The following CCDC142 variants were observed in gnomAD, a reference collection of about 807,000 sequenced individuals.
CCDC142 encodes the protein coiled-coil domain containing 142.
CCDC142 carries 67 observed loss-of-function variants against 83.8 expected under a neutral mutation model. The observed-to-expected ratio is 0.80, with a 90% CI of 0.66 to 0.98. CCDC142 has a LOEUF of 0.98. Among genes scored for constraint, CCDC142 ranks in the 50% least tolerant of loss-of-function variants. The pLI is 0.00. For synonymous variants in CCDC142, 421 were observed against 421.2 expected, an observed-to-expected ratio of 1.00 and a Z score of 0.01; for missense variants, 905 against 946.8, an observed-to-expected ratio of 0.96 and a Z score of 0.58.
Position 74,481,763 on chromosome 2 carries a change from G to C in CCDC142, c.1021+54C>G, listed in dbSNP as rs567887017. On this transcript the variant is annotated intron_variant, in intron 1 of 8. Transcript: ENST00000393965. Reference sequence around the variant, plus strand: ...GATGGCAGGTCAGTGAGTTGGCCAAGGGGAAGGAAGAGACCCCAGCCTTCC... The same window carrying C: ...GATGGCAGGTCAGTGAGTTGGCCAACGGGAAGGAAGAGACCCCAGCCTTCC... 1.9e-6 allele frequency: 3 copies of C among 1,557,914 alleles called. No homozygotes were observed. In the Admixed American group the frequency reaches 5.6e-5, roughly 29 times the overall value.
intron 5 of CCDC142, among the ~76,000 whole-genome samples, chr2:74,476,575 G>A (rs1489491432): frequency 6.6e-6 from 1 of 152,160 alleles, no homozygotes; most frequent in Non-Finnish European, 1.5e-5. Context: ...GACTCAGGAA[G>A]TTTTGGAATG....
In CCDC142 at chr2:74,481,066, C is replaced by T; in HGVS notation, c.1279G>A (p.Gly427Ser). ...AAGGTGGTCTGAAGGGTACAGAGAC[C>T]TAGGGCGACAGGCGCAGGATCTGGG... Reference protein sequence around the residue: ...QPADPAPVALGLCTLQTTLLW... With the variant: ...QPADPAPVALSLCTLQTTLLW... Residue 427 changes from glycine (G) to serine (S), a missense_variant, in exon 4 of 9, where the codon GGT (glycine) becomes AGT (serine). Gly to Ser is a moderately conservative substitution (Grantham distance 56, BLOSUM62 0). Around this residue, in one of 3 missense-constraint regions of CCDC142, gnomAD observed 591 missense variants for 571.4 expected, o/e 1.03. Coordinates refer to ENST00000393965, the MANE Select transcript of CCDC142 (RefSeq NM_001365575.2). 1 of 1,613,692 alleles carries T rather than the reference C, an allele frequency of 6.2e-7. No individual in the cohort carries two copies. The highest frequency in any genetic ancestry group is 8.5e-7 in the Non-Finnish European group (1 of 1,179,700).
chr2:74,475,595 C>G lies in CCDC142; in HGVS notation c.1618+17G>C. 2 of 1,599,498 alleles carry G rather than the reference C, an allele frequency of 1.3e-6. No homozygotes were observed. The highest frequency in any genetic ancestry group is 8.6e-7 in the Non-Finnish European group (1 of 1,167,886). On this transcript the variant is annotated intron_variant, in intron 6 of 8. Transcript: ENST00000393965. ...CCCCTTGGAACTCTGGAAGGAGAAGCTGGGATGAGGAGTTACCAGGACAGA... is the reference window on the plus strand; with the variant it reads ...CCCCTTGGAACTCTGGAAGGAGAAGGTGGGATGAGGAGTTACCAGGACAGA...
intron 5 of CCDC142, among the ~76,000 whole-genome samples, chr2:74,477,174 A>G (rs1208387210): frequency 1.3e-5 from 2 of 151,348 alleles, no homozygotes; most frequent in Non-Finnish European, 2.9e-5. Context: ...GCTGGAGTGC[A>G]GTTGCGCAAT....
rs746832688 is a variant in CCDC142 at position 74,482,386 on chromosome 2, C to T, written c.452G>A (p.Gly151Glu). 29 of 1,576,488 alleles carry T rather than the reference C, an allele frequency of 1.8e-5. No individual in the cohort carries two copies. The highest frequency in any genetic ancestry group is 6.0e-6 in the Non-Finnish European group (7 of 1,162,058). ...CRDLQLHPSQ[G>E]AVLRIGPGET... is the part of the protein sequence containing the mutation. ...CCCAGGGCCGATTCGCAGAACCGCC[C>T]CTTGGGAAGGGTGCAGCTGCAGGTC... Residue 151 changes from glycine (G) to glutamate (E), a missense_variant, in exon 1 of 9, where the codon GGG becomes GAG. Around this residue, in one of 3 missense-constraint regions of CCDC142, gnomAD observed 591 missense variants for 571.4 expected, o/e 1.03. Transcript: ENST00000393965. The surrounding 1 kb of genome is among the most constrained non-coding windows in gnomAD (Gnocchi z 5.0).
chr2:74,482,052 G>A lies in CCDC142; in HGVS notation c.786C>T (p.Asp262=). The change falls in exon 1 of 9, where the codon GAC becomes GAT. Residue 262 remains aspartate, a synonymous_variant. Transcript: ENST00000393965. The surrounding 1 kb of genome is among the most constrained non-coding windows in gnomAD (Gnocchi z 5.0). ...DEALQGSALR[D]QLRRRCQEEG... Reference sequence around the variant, plus strand: ...CCTCTTGGCACCGCCTGCGGAGCTGGTCCCTCAACGCCGATCCTTGGAGCG... The same window carrying A: ...CCTCTTGGCACCGCCTGCGGAGCTGATCCCTCAACGCCGATCCTTGGAGCG... 6.2e-7 allele frequency: 1 copy of A among 1,613,562 alleles called. No individual in the cohort carries two copies. Among genetic ancestry groups the A allele is most frequent in the East Asian group, 2.2e-5 (1 of 44,860 alleles).
intron 5 of CCDC142, 134 bp downstream of exon 5, chr2:74,480,635 G>A: frequency 1.9e-6 from 1 of 540,328 alleles, no homozygotes; most frequent in South Asian, 3.1e-5. Context: ...AAAATGAACA[G>A]AGCAAAAAAA....
chr2:74,481,830 C>T lies in CCDC142; in HGVS notation c.1008G>A (p.Gln336=). The T allele has an allele frequency of 3.1e-6, 5 of 1,611,870 alleles. No homozygotes were observed. The highest frequency in any genetic ancestry group is 4.2e-6 in the Non-Finnish European group (5 of 1,178,362). Residue 336 remains glutamine, a synonymous_variant, in exon 1 of 9, where the codon CAG becomes CAA. Transcript: ENST00000393965. The part of the protein sequence containing the change: ...DPRATAQQLS[Q]ALGQASLPQE... ...CCCATCACTCACCCTGACCCAGTGC[C>T]TGACTCAGCTGTTGCGCTGTTGCCC...
rs1370676503 is a variant in CCDC142, at chr2:74,480,886, T to G, written c.1390-4A>C. 1.2e-6 allele frequency: 2 copies of G among 1,613,540 alleles called. No individual in the cohort carries two copies. The highest frequency in any genetic ancestry group is 2.7e-5 in the African/African-American group (2 of 74,922). On this transcript the variant is annotated splice_polypyrimidine_tract_variant and splice_region_variant and intron_variant, in intron 4 of 8. Coordinates refer to ENST00000393965, the MANE Select transcript of CCDC142 (RefSeq NM_001365575.2). ...CTTCTGCCTCATGCAACAGAGGCTT[T>G]GGGTGGAAACAGGGAGTGAGGGCTC... is the stretch of plus-strand genomic sequence containing the variant.
In CCDC142 at chr2:74,475,044, C is replaced by T. The variant is rs756509614; in HGVS notation, c.1868G>A (p.Ser623Asn). ...GGTCTGGCGGAGATCAGGGGACAGG[C>T]TCCACTGCTCCTCTTCCAGCAACTC... ...VRELLEEEQW[S>N]LSPDLRQTLL... Residue 623 changes from serine (S) to asparagine (N), a missense_variant, in exon 8 of 9, where the codon AGC becomes AAC. Ser to Asn is a conservative substitution (Grantham distance 46). This residue lies in a region of CCDC142 where 265 missense variants were observed against 288.9 expected (regional missense o/e 0.92). Transcript: ENST00000393965. 1.2e-6 allele frequency: 2 copies of T among 1,613,992 alleles called. No individual in the cohort carries two copies. Among genetic ancestry groups the T allele is most frequent in the Non-Finnish European group, 1.7e-6 (2 of 1,179,924 alleles).
intron 1 of CCDC142, 60 bp downstream of exon 1, chr2:74,481,757 G>C: frequency 6.4e-7 from 1 of 1,551,920 alleles, no homozygotes; most frequent in Admixed American, 1.9e-5. Flanking sequence ...TCAGTGAGTT[G>C]GCCAAGGGGA....
Position 74,474,771 on chromosome 2 carries a change from C to A in CCDC142, c.2028G>T (p.Leu676Phe). Residue 676 changes from leucine to phenylalanine, a missense_variant, in exon 9 of 9, where the codon TTG (leucine) becomes TTT (phenylalanine). Physicochemically the swap from Leu to Phe is conservative, Grantham distance 22. Around this residue, in one of 3 missense-constraint regions of CCDC142, gnomAD observed 265 missense variants for 288.9 expected, o/e 0.92. Transcript: ENST00000393965. ...CCAGGCTATTGAGGCAGCTGCTGGG[C>A]AATTTCGTGGTCTGGACCTCCTGAC... ...CACQEVQTTK[L>F]PSSCLNSLES... 6.2e-7 allele frequency: 1 copy of A among 1,612,698 alleles called. No individual in the cohort carries two copies. Among genetic ancestry groups the A allele is most frequent in the South Asian group, 1.1e-5 (1 of 90,900 alleles).
At chr2:74,478,657 T>A (rs1469991642) in intron 5 of CCDC142, among the ~76,000 whole-genome samples, 2 of 151,640 alleles carry the variant, frequency 1.3e-5, no homozygotes, top group Non-Finnish European at 2.9e-5. Context: ...TTTAAAAAGA[T>A]TTTTAAAAAG....
In CCDC142 at chr2:74,482,065, G is replaced by C. The variant is rs560584225; in HGVS notation, c.773C>G (p.Ser258Trp). 8.1e-6 allele frequency: 13 copies of C among 1,613,404 alleles called. No homozygotes were observed. Among genetic ancestry groups the C allele is most frequent in the Non-Finnish European group, 1.0e-5 (12 of 1,179,960 alleles). The change falls in exon 1 of 9, where the codon TCG (serine) becomes TGG (tryptophan). Residue 258 changes from serine (S) to tryptophan (W), a missense_variant. By Grantham distance (177) the Ser-to-Trp change is radical. This residue lies in a region of CCDC142 where 591 missense variants were observed against 571.4 expected (regional missense o/e 1.03). Transcript: ENST00000393965. The surrounding 1 kb of genome is among the most constrained non-coding windows in gnomAD (Gnocchi z 5.0). ...ASRLDEALQG[S>W]ALRDQLRRRC... ...CCTGCGGAGCTGGTCCCTCAACGCCGATCCTTGGAGCGCCTCGTCCAGCCG... is the reference window on the plus strand; with the variant it reads ...CCTGCGGAGCTGGTCCCTCAACGCCCATCCTTGGAGCGCCTCGTCCAGCCG...
rs547641364 is a variant in CCDC142 at position 74,477,054 on chromosome 2, T to C, written c.1504-1328A>G. Among the ~76,000 whole-genome samples, 8 of 152,204 alleles carry C rather than the reference T, an allele frequency of 5.3e-5. No homozygotes were observed. In the South Asian group the frequency reaches 1.7e-3, roughly 32 times the overall value. ...CACTGAGGGAATACAAGGTGCAGAGTGTGTGACAGTCTCTCCCCCACCCAC... is the reference window on the plus strand; with the variant it reads ...CACTGAGGGAATACAAGGTGCAGAGCGTGTGACAGTCTCTCCCCCACCCAC... On this transcript the variant is annotated intron_variant, in intron 5 of 8. Transcript: ENST00000393965.
In CCDC142 at chr2:74,480,433, A is replaced by G. The variant is rs116994322; in HGVS notation, c.1503+336T>C. On this transcript the variant is annotated intron_variant, in intron 5 of 8. Transcript: ENST00000393965. ...GTGAAACCCTGTCTCTACTAAAAAA[A>G]TTCAAAAGTTAGACACGTGTGGTGG... 2.7e-4 allele frequency among the ~76,000 whole-genome samples: 41 copies of G among 152,156 alleles called. 1 individual carries two copies. In the East Asian group the frequency reaches 7.9e-3, roughly 29 times the overall value.
chr2:74,474,734 G>A lies in CCDC142; in HGVS notation c.2065C>T (p.Pro689Ser), dbSNP rs754573897. The stretch of plus-strand genomic sequence containing the variant: ...GGAGATGTTCCAGGCTGGAGCGGGG[G>A]CTCCAAGCTCTCCAGGCTATTGAGG... ...SCLNSLESLE[P>S]PLQPGTSPAQ... Residue 689 changes from proline to serine, a missense_variant, in exon 9 of 9, where the codon CCC (proline) becomes TCC (serine). Physicochemically the swap from Pro to Ser is moderately conservative, Grantham distance 74 (BLOSUM62 -1). Transcript: ENST00000393965. The A allele has an allele frequency of 1.9e-6, 3 of 1,614,180 alleles. No individual in the cohort carries two copies. Among genetic ancestry groups the A allele is most frequent in the East Asian group, 2.2e-5 (1 of 44,882 alleles).
chr2:74,482,092 C>T lies in CCDC142; in HGVS notation c.746G>A (p.Ser249Asn), dbSNP rs376211454. The T allele has an allele frequency of 2.7e-5, 44 of 1,613,518 alleles. No individual in the cohort carries two copies. The highest frequency in any genetic ancestry group is 3.5e-5 in the Non-Finnish European group (41 of 1,179,962). Residue 249 changes from serine to asparagine, a missense_variant, in exon 1 of 9, where the codon AGT (serine) becomes AAT (asparagine). Ser to Asn is a conservative substitution (Grantham distance 46, BLOSUM62 1). Transcript: ENST00000393965. This position sits in a 1 kb window ranked among gnomAD's most constrained non-coding sequence, Gnocchi z 5.0. ...TCCTTGGAGCGCCTCGTCCAGCCGA[C>T]TTGCCACCTGGCAACCCCGCTCCCC... ...LTGERGCQVA[S>N]RLDEALQGSA...
intron 5 of CCDC142, 49 bp from the exon 6 acceptor site, chr2:74,475,775 C>A: frequency 8.7e-7 from 1 of 1,153,468 alleles, no homozygotes; most frequent in Admixed American, 1.9e-5. Flanking sequence ...TTATGATGAT[C>A]CTCTATATCT....
Sources: allele counts gnomAD v4.1 joint callset (sites outside exome capture counted in the v4.1 genomes callset), GRCh38; gene constraint gnomAD v4.1.1; regional missense constraint gnomAD v4.1.1; non-coding constraint Gnocchi (gnomAD v3.1); transcripts MANE v1.5; gene names NCBI Gene and HGNC (gene_info 2026-07-23, HGNC 2026-07-21).